The following GGH variants were observed in gnomAD, a reference collection of about 807,000 sequenced individuals.
GGH encodes gamma-Glu-X carboxypeptidase.
In GGH, 18 loss-of-function variants were observed where a neutral mutation model predicts 39.2. The ratio of observed to expected loss-of-function variants is 0.46; its 90% CI spans 0.32 to 0.68. GGH has a LOEUF of 0.68. Among genes scored for constraint, GGH ranks in the 30% least tolerant of loss-of-function variants. The pLI is 0.04. For synonymous variants in GGH, 147 were observed against 138.8 expected, an observed-to-expected ratio of 1.06 and a Z score of -0.42; for missense variants, 367 against 384.1, an observed-to-expected ratio of 0.96 and a Z score of 0.37.
intron 2 of GGH, among the ~76,000 whole-genome samples, chr8:63,032,712 A>G (rs752827631): frequency 6.6e-6 from 1 of 152,158 alleles, no homozygotes; most frequent in African/African-American, 2.4e-5. Context: ...AACTCACCCC[A>G]TATGTATTAC....
intron 1 of GGH, among the ~76,000 whole-genome samples, chr8:63,037,868 C>A (rs1054901037): frequency 6.6e-6 from 1 of 152,294 alleles, no homozygotes; most frequent in East Asian, 1.9e-4. Flanking sequence ...TATGAAAAAA[C>A]ATTCATCTAC....
intron 2 of GGH, among the ~76,000 whole-genome samples, chr8:63,032,207 A>T (rs1804819158): frequency 6.6e-6 from 1 of 151,858 alleles, no homozygotes; most frequent in Non-Finnish European, 1.5e-5. Context: ...CTCATTTTTT[A>T]AAAATTTTTT....
intron 3 of GGH, among the ~76,000 whole-genome samples, chr8:63,027,683 A>G (rs766985344): frequency 6.6e-5 from 10 of 152,168 alleles, no homozygotes; most frequent in African/African-American, 9.7e-5. Context: ...TTAGCTCACA[A>G]ATAATTTAAC....
intron 1 of GGH, 96 bp downstream of exon 1, chr8:63,038,564 C>T: frequency 1.6e-6 from 1 of 609,898 alleles, no homozygotes; most frequent in Non-Finnish European, 2.6e-6. Flanking sequence ...GGGTTTTTCC[C>T]GGCGGGACGC....
intron 2 of GGH, among the ~76,000 whole-genome samples, chr8:63,032,458 T>C (rs1020994896): frequency 1.3e-5 from 2 of 152,216 alleles, no homozygotes; most frequent in African/African-American, 4.8e-5. Flanking sequence ...AGTCCCACAT[T>C]GGGCATTTAT....
At chr8:63,029,569 C>T (rs1057450192) in intron 3 of GGH, among the ~76,000 whole-genome samples, 1 of 151,970 alleles carries the variant, frequency 6.6e-6, no homozygotes, top group East Asian at 1.9e-4. Context: ...AAAGGGTATA[C>T]GTGTTTCTAA....
intron 2 of GGH, among the ~76,000 whole-genome samples, chr8:63,032,016 CT>C (rs1804815191): frequency 6.6e-6 from 1 of 152,130 alleles, no homozygotes; most frequent in Admixed American, 6.5e-5. Context: ...AATTCAGACT[CT>C]TATAAAGTTT....
chr8:63,017,629 T>C lies in GGH; in HGVS notation c.699A>G (p.Gly233=), dbSNP rs1335354980. Residue 233 remains glycine, a splice_region_variant and synonymous_variant, in exon 8 of 9, where the codon GGA becomes GGG. Coordinates refer to ENST00000260118, the MANE Select transcript of GGH (RefSeq NM_003878.3). ...GKIEFISTME[G]YKYPVYGVQW... ...GGACACCATATACTGGATACTTATATCCTGTAAGAAGAACACAAATTAGTA... is the reference window on the plus strand; with the variant it reads ...GGACACCATATACTGGATACTTATACCCTGTAAGAAGAACACAAATTAGTA... The C allele has an allele frequency of 6.4e-7, 1 of 1,567,182 alleles. No individual in the cohort carries two copies. Among genetic ancestry groups the C allele is most frequent in the Non-Finnish European group, 8.7e-7 (1 of 1,150,010 alleles).
chr8:63,020,840 G>A (rs913258827), intron 7 of GGH, among the ~76,000 whole-genome samples: 4 of 152,156 alleles, frequency 2.6e-5, no homozygotes, highest in African/African-American at 9.7e-5. Context: ...GTTTTGTTCA[G>A]GCAATACTAT....
At chr8:63,021,411 T>C (rs1804582471) in intron 7 of GGH, among the ~76,000 whole-genome samples, 1 of 152,178 alleles carries the variant, frequency 6.6e-6, no homozygotes, top group African/African-American at 2.4e-5. Context: ...AACTGGAAAA[T>C]GTTTGATTTT....
chr8:63,026,124 AT>A, intron 5 of GGH, 33 bp downstream of exon 5: 1 of 1,516,012 alleles, frequency 6.6e-7, no homozygotes, highest in Non-Finnish European at 8.8e-7. Context: ...TGCCCAGCAA[AT>A]ATTTTTCAAA....
Position 63,018,783 on chromosome 8 carries a change from T to C in GGH, c.698-1153A>G, listed in dbSNP as rs569829512. Among the ~76,000 whole-genome samples, 4 of 152,364 alleles carry C rather than the reference T, an allele frequency of 2.6e-5. No individual in the cohort carries two copies. In the South Asian group the frequency reaches 6.2e-4, roughly 24 times the overall value. ...GTATATTGGATATAAATCTTTTTTA[T>C]GATTTAAGACTATTTTTGTCCTCAA... On this transcript the variant is annotated intron_variant, in intron 7 of 8. Transcript: ENST00000260118.
In GGH at chr8:63,015,374, A is replaced by G. The variant is rs747462688; in HGVS notation, c.915T>C (p.Thr305=). Residue 305 remains threonine, a synonymous_variant, in exon 9 of 9, where the codon ACT becomes ACC. Transcript: ENST00000260118. ...ALIYQFSPIY[T]GNISSFQQCY... The stretch of plus-strand genomic sequence containing the variant: ...ATTGCTGAAATGAAGAAATATTTCC[A>G]GTATAAATTGGACTGAACTGATAAA... The G allele has an allele frequency of 2.2e-5, 31 of 1,403,272 alleles. No homozygotes were observed. The highest frequency in any genetic ancestry group is 2.8e-5 in the Non-Finnish European group (28 of 1,002,386). 86.9% of individuals were successfully genotyped at this position (1,403,272 alleles called of 1,614,324 possible).
In GGH at chr8:63,024,088, A is replaced by C; in HGVS notation, c.598T>G (p.Ser200Ala). 1.3e-6 allele frequency: 2 copies of C among 1,593,574 alleles called. No individual in the cohort carries two copies. The highest frequency in any genetic ancestry group is 1.7e-6 in the Non-Finnish European group (2 of 1,161,728). The change falls in exon 6 of 9, where the codon TCC becomes GCC. Residue 200 changes from serine to alanine, a missense_variant. Ser to Ala is a moderately conservative substitution (Grantham distance 99). Transcript: ENST00000260118. ...LTANFHKWSL[S>A]VKNFTMNEKL... ...TGTAATTAGTGTGATACCTTCACGG[A>C]GAGGCTCCACTTATGGAAATTGGCA...
chr8:63,022,600 G>A (rs1416943274), intron 7 of GGH, among the ~76,000 whole-genome samples: 1 of 151,484 alleles, frequency 6.6e-6, no homozygotes, highest in Non-Finnish European at 1.5e-5. Context: ...TGTCGTCCAG[G>A]CTGGAGTGCA....
chr8:63,022,678 C>CTTT (rs34415067), intron 7 of GGH, among the ~76,000 whole-genome samples: 9 of 143,536 alleles, frequency 6.3e-5, no homozygotes, highest in South Asian at 2.2e-4. Flanking sequence ...CCATGCCCAG[C>CTTT]TTTTTTTTTT....
chr8:63,033,483 T>C (rs1387819610), intron 2 of GGH, among the ~76,000 whole-genome samples: 1 of 152,230 alleles, frequency 6.6e-6, no homozygotes, highest in Non-Finnish European at 1.5e-5. Flanking sequence ...AGACTGTGTG[T>C]TTCTAACAAT....
intron 2 of GGH, among the ~76,000 whole-genome samples, chr8:63,033,626 T>C (rs928031599): frequency 6.9e-6 from 1 of 145,636 alleles, no homozygotes; most frequent in Non-Finnish European, 1.5e-5. Flanking sequence ...TTATTTTTTA[T>C]AATTTTAACT....
chr8:63,025,184 AATGAT>A (rs1440735800), intron 5 of GGH: 1 of 152,164 alleles, frequency 6.6e-6, no homozygotes, highest in Non-Finnish European at 1.5e-5. Flanking sequence ...GAATTCCCGG[AATGAT>A]ATAAGTATTT....
Sources: allele counts gnomAD v4.1 joint callset (sites outside exome capture counted in the v4.1 genomes callset), GRCh38; gene constraint gnomAD v4.1.1; transcripts MANE v1.5; gene names NCBI Gene and HGNC (gene_info 2026-07-23, HGNC 2026-07-21).